Variants in FBXO15 observed in about 807,000 individuals in gnomAD.
FBXO15 encodes the protein F-box protein 15, also known as F-box only protein 15.
Under a neutral mutation model 49.5 loss-of-function variants are expected in FBXO15, and 30 were observed. The observed-to-expected ratio is 0.61, with a 90% CI of 0.45 to 0.82. The LOEUF (loss-of-function observed/expected upper bound fraction) is 0.82, where lower values mean the gene tolerates loss of function less well. Among genes scored for constraint, FBXO15 ranks in the 40% least tolerant of loss-of-function variants. The probability of loss-of-function intolerance (pLI) is 0.00; values close to 1 mark genes in which losing one functional copy is unlikely to be tolerated. For missense variants in FBXO15, 591 were observed against 631.5 expected (o/e 0.94, Z 0.69); for synonymous variants, 250 against 232.7 (o/e 1.07, Z -0.68).
At chr18:74,133,062 C>A (rs1444886926) in intron 3 of FBXO15, among the ~76,000 whole-genome samples, 2 of 152,230 alleles carry the variant, frequency 1.3e-5, no homozygotes, top group Middle Eastern at 3.2e-3. Flanking sequence ...TTCAAAAACA[C>A]ATATTGATTA....
At chr18:74,102,791 C>A (rs571854673) in intron 8 of FBXO15, among the ~76,000 whole-genome samples, 6 of 152,200 alleles carry the variant, frequency 3.9e-5, no homozygotes, top group African/African-American at 1.2e-4. Flanking sequence ...AGGGATGAAT[C>A]AATGGCATTT....
At chr18:74,081,856 T>C in intron 9 of FBXO15, 71 bp downstream of exon 9, 15 of 1,021,962 alleles carry the variant, frequency 1.5e-5, no homozygotes, top group Non-Finnish European at 2.1e-5. Context: ...ATATAATTTA[T>C]ATATATAAAC....
intron 8 of FBXO15, among the ~76,000 whole-genome samples, chr18:74,111,535 G>A (rs1435753754): frequency 6.6e-6 from 1 of 152,000 alleles, no homozygotes; most frequent in Non-Finnish European, 1.5e-5. Flanking sequence ...AGTAAAAGCA[G>A]TGCTTAAATG....
At chr18:74,098,356 GA>G (rs1913370107) in intron 8 of FBXO15, 1 of 151,898 alleles carries the variant, frequency 6.6e-6, no homozygotes, top group Non-Finnish European at 1.5e-5. Flanking sequence ...CCAATTTAAG[GA>G]AACCAAAAAA....
chr18:74,073,917 C>T (rs1232189724), intron 9 of FBXO15, among the ~76,000 whole-genome samples, 187 bp from the exon 10 acceptor site: 1 of 152,164 alleles, frequency 6.6e-6, no homozygotes, highest in Non-Finnish European at 1.5e-5. Flanking sequence ...TGTCTCATCA[C>T]TTAATATTCA....
chr18:74,077,738 T>C (rs147637090), intron 9 of FBXO15, among the ~76,000 whole-genome samples: 1 of 152,322 alleles, frequency 6.6e-6, no homozygotes, highest in East Asian at 1.9e-4. Context: ...GCTCTGTCTT[T>C]GGCAGGCAGC....
At chr18:74,093,265 G>GT (rs201005807) in intron 8 of FBXO15, among the ~76,000 whole-genome samples, 4 of 130,090 alleles carry the variant, frequency 3.1e-5, no homozygotes, top group African/African-American at 1.0e-4. Context: ...CAAAACAATG[G>GT]GGGGGGGGTG....
intron 8 of FBXO15, among the ~76,000 whole-genome samples, chr18:74,093,272 G>GC (rs1024948010): frequency 2.7e-5 from 4 of 150,238 alleles, no homozygotes; most frequent in African/African-American, 4.9e-5. Context: ...ATGGGGGGGG[G>GC]GTGGCTGCAG....
chr18:74,135,646 T>G, intron 3 of FBXO15, 116 bp downstream of exon 3: 2 of 763,696 alleles, frequency 2.6e-6, no homozygotes, highest in East Asian at 2.7e-5. Context: ...TCCACTTGTG[T>G]GTAAAAATAC....
chr18:74,138,516 C>T (rs762648797), intron 2 of FBXO15, among the ~76,000 whole-genome samples: 3 of 152,118 alleles, frequency 2.0e-5, no homozygotes, highest in Admixed American at 6.5e-5. Context: ...CTCACTGCCG[C>T]AGGTCCTCCA....
intron 8 of FBXO15, among the ~76,000 whole-genome samples, chr18:74,105,554 C>T (rs1913716703): frequency 6.6e-6 from 1 of 151,960 alleles, no homozygotes; most frequent in Non-Finnish European, 1.5e-5. Context: ...ATTCTCCTGC[C>T]TCAGCCTCCT....
chr18:74,107,292 T>C (rs866915532), intron 8 of FBXO15, among the ~76,000 whole-genome samples: 1 of 150,902 alleles, frequency 6.6e-6, no homozygotes, highest in South Asian at 2.1e-4. Context: ...GAGAAACAAA[T>C]ACCGCATGAT....
At chr18:74,125,391 A>G (rs1409093489) in intron 6 of FBXO15, among the ~76,000 whole-genome samples, 1 of 152,246 alleles carries the variant, frequency 6.6e-6, no homozygotes, top group African/African-American at 2.4e-5. Flanking sequence ...CCGTCTAGTC[A>G]TTGTAAACTA....
In FBXO15 at chr18:74,075,071, C is replaced by G. The variant is rs573638989; in HGVS notation, c.1264-1341G>C. Among the ~76,000 whole-genome samples the G allele has an allele frequency of 6.6e-6, 1 of 152,216 alleles. No individual in the cohort carries two copies. ...CACCAAGCACAGCGGGAGGGCTGCA[C>G]GCAGAGCTGCTGGGTGCCCATGCAG... On this transcript the variant is annotated intron_variant, in intron 9 of 9. Transcript: ENST00000419743. This position sits in a 1 kb window ranked among gnomAD's most constrained non-coding sequence, Gnocchi z 4.1.
intron 8 of FBXO15, among the ~76,000 whole-genome samples, chr18:74,107,560 T>C (rs986813533): frequency 3.3e-5 from 5 of 152,126 alleles, no homozygotes; most frequent in Non-Finnish European, 7.4e-5. Context: ...CGCGTAGCTC[T>C]ATTGAGCCAA....
At chr18:74,125,952 A>G in intron 6 of FBXO15, 23 bp downstream of exon 6, 1 of 1,613,392 alleles carries the variant, frequency 6.2e-7, no homozygotes. Flanking sequence ...ATGACACAGT[A>G]CATACAGGGA....
chr18:74,103,943 T>TA (rs2145150600), intron 8 of FBXO15, among the ~76,000 whole-genome samples: 1 of 152,248 alleles, frequency 6.6e-6, no homozygotes, highest in African/African-American at 2.4e-5. Flanking sequence ...ATAGAAAACT[T>TA]ACTGGTAAAA....
chr18:74,085,448 C>G (rs992345429), intron 8 of FBXO15, among the ~76,000 whole-genome samples: 2 of 152,100 alleles, frequency 1.3e-5, no homozygotes, highest in Admixed American at 1.3e-4. Context: ...CAAAAATTAG[C>G]CAGGTGTGGT....
intron 9 of FBXO15, among the ~76,000 whole-genome samples, chr18:74,073,985 C>T (rs1016282894): frequency 6.6e-6 from 1 of 152,282 alleles, no homozygotes; most frequent in South Asian, 2.1e-4. Context: ...GCACTGGGAG[C>T]TCAGAGAAAT....
Sources: gnomAD v4.1 joint callset for allele counts (sites outside exome capture counted in the v4.1 genomes callset) on GRCh38, gnomAD v4.1.1 for gene constraint, Gnocchi (gnomAD v3.1) non-coding constraint, MANE v1.5 for transcripts, NCBI Gene and HGNC (gene_info 2026-07-23, HGNC 2026-07-21) for gene names.